The following TMCC1 variants were observed in gnomAD, a reference collection of about 807,000 sequenced individuals.
TMCC1 encodes transmembrane and coiled-coil domain family 1.
Under a neutral mutation model 52.4 loss-of-function variants are expected in TMCC1, and 15 were observed. The observed-to-expected ratio is 0.29, with a 90% CI of 0.19 to 0.44. The LOEUF is 0.44. Ranked by LOEUF, TMCC1 falls within the 20% of genes least tolerant of loss-of-function variation. TMCC1 has a pLI of 1.00. For missense variants in TMCC1, 503 were observed against 806.0 expected (o/e 0.62, Z 4.55); for synonymous variants, 279 against 301.9 (o/e 0.92, Z 0.79).
chr3:129,891,659 C>A (rs1273259031), intron 1 of TMCC1, among the ~76,000 whole-genome samples: 1 of 152,144 alleles, frequency 6.6e-6, no homozygotes. Flanking sequence ...CCCATACATA[C>A]AGAATAAAGC....
chr3:129,852,345 T>A (rs565383099), intron 2 of TMCC1, among the ~76,000 whole-genome samples: 2 of 150,040 alleles, frequency 1.3e-5, no homozygotes, highest in South Asian at 4.2e-4. Context: ...TAATCCCAGC[T>A]ACTCAGGAGT....
chr3:129,787,706 T>C (rs1204965549), intron 4 of TMCC1, among the ~76,000 whole-genome samples: 3 of 152,236 alleles, frequency 2.0e-5, no homozygotes, highest in Non-Finnish European at 4.4e-5. Context: ...GTATGCTTAA[T>C]TTATCCAAAA....
chr3:129,710,754 T>C (rs2048610166), intron 4 of TMCC1, among the ~76,000 whole-genome samples: 2 of 152,172 alleles, frequency 1.3e-5, no homozygotes, highest in Non-Finnish European at 1.5e-5. Context: ...AAAGAAGATA[T>C]TGAATCTAAT....
At chr3:129,763,542 C>CAAAAAAAAAAAAAAAAAAAAAAAAAA in intron 4 of TMCC1, among the ~76,000 whole-genome samples, 1 of 44,664 alleles carries the variant, frequency 2.2e-5, no homozygotes, top group Non-Finnish European at 4.2e-5. Flanking sequence ...GACCCTGTCT[C>CAAAAAAAAAAAAAAAAAAAAAAAAAA]AAAAAAAAAA....
intron 2 of TMCC1, among the ~76,000 whole-genome samples, chr3:129,866,786 T>C (rs2060670966): frequency 6.6e-6 from 1 of 152,206 alleles, no homozygotes; most frequent in Non-Finnish European, 1.5e-5. Context: ...ATACAAAATG[T>C]ATATACTGGT....
At chr3:129,724,472 AG>A (rs1406215897) in intron 4 of TMCC1, among the ~76,000 whole-genome samples, 1 of 152,238 alleles carries the variant, frequency 6.6e-6, no homozygotes, top group African/African-American at 2.4e-5. Flanking sequence ...ACCTAGCTGA[AG>A]AACCCCAAAC....
intron 4 of TMCC1, among the ~76,000 whole-genome samples, chr3:129,691,548 A>G (rs2047028217): frequency 6.6e-6 from 1 of 152,170 alleles, no homozygotes; most frequent in Non-Finnish European, 1.5e-5. Context: ...TGGGAGGCTG[A>G]GGTGGGAGGA....
chr3:129,763,542 C>CAAAAAAAAA (rs11354197), intron 4 of TMCC1, among the ~76,000 whole-genome samples: 3 of 44,662 alleles, frequency 6.7e-5, no homozygotes, highest in Non-Finnish European at 1.3e-4. Flanking sequence ...GACCCTGTCT[C>CAAAAAAAAA]AAAAAAAAAA....
Position 129,649,835 on chromosome 3 carries a change from G to A in TMCC1, c.*1646C>T, listed in dbSNP as rs773207083. The A allele has an allele frequency of 6.6e-6, 1 of 152,442 alleles. No homozygotes were observed. Among genetic ancestry groups the A allele is most frequent in the African/African-American group, 2.4e-5 (1 of 41,448 alleles). 9.4% of individuals were successfully genotyped at this position (152,442 alleles called of 1,614,324 possible). ...ATGGAAAGATTAACCAAGCTCTCTA[G>A]ATAAACTCTAAATGTTCAAGTTCCA... On this transcript the variant is annotated 3_prime_UTR_variant, in exon 7 of 7. Transcript: ENST00000393238.
chr3:129,658,207 C>A (rs1241287123), intron 5 of TMCC1, among the ~76,000 whole-genome samples: 1 of 152,204 alleles, frequency 6.6e-6, no homozygotes, highest in Admixed American at 6.5e-5. Flanking sequence ...CTTTTCACTA[C>A]ATGTATGCAT....
intron 2 of TMCC1, among the ~76,000 whole-genome samples, chr3:129,843,057 C>T (rs2059493811): frequency 6.6e-6 from 1 of 152,106 alleles, no homozygotes; most frequent in Non-Finnish European, 1.5e-5. Context: ...ATAACTAAAA[C>T]AGAAGGAGGC....
At chr3:129,683,708 TTAA>T (rs2089191074) in intron 4 of TMCC1, among the ~76,000 whole-genome samples, 1 of 152,134 alleles carries the variant, frequency 6.6e-6, no homozygotes, top group Non-Finnish European at 1.5e-5. Context: ...TGCCCAATAG[TTAA>T]TTTTTCAACC....
intron 4 of TMCC1, among the ~76,000 whole-genome samples, chr3:129,719,484 ACAGCCAGTTGGT>A (rs1304820631): frequency 6.6e-6 from 1 of 152,212 alleles, no homozygotes; most frequent in Non-Finnish European, 1.5e-5. Flanking sequence ...ACCCCAATTT[ACAGCCAGTTGGT>A]CAGAAGCACA....
intron 4 of TMCC1, among the ~76,000 whole-genome samples, chr3:129,790,629 T>C (rs1003542000): frequency 6.6e-6 from 1 of 152,212 alleles, no homozygotes; most frequent in Non-Finnish European, 1.5e-5. Flanking sequence ...TAGTTTCCTC[T>C]GATCAGAGTG....
chr3:129,746,906 G>GT (rs572833270), intron 4 of TMCC1, among the ~76,000 whole-genome samples: 152 of 152,258 alleles, frequency 1.0e-3, no homozygotes, highest in African/African-American at 3.4e-3. Flanking sequence ...CCTCTTGCTA[G>GT]TTTTTTAACA....
At chr3:129,726,894 A>AAAAAAAAAAAAAAAAAAAAAAAAAC (rs2050145668) in intron 4 of TMCC1, among the ~76,000 whole-genome samples, 3 of 143,670 alleles carry the variant, frequency 2.1e-5, no homozygotes, top group Admixed American at 7.0e-5. Flanking sequence ...AAAAAAAAAA[A>AAAAAAAAAAAAAAAAAAAAAAAAAC]AAAAGAACCA....
chr3:129,671,984 G>A (rs1042104965), intron 4 of TMCC1, among the ~76,000 whole-genome samples: 4 of 152,194 alleles, frequency 2.6e-5, no homozygotes, highest in African/African-American at 9.7e-5. Context: ...TAAGAGCTAA[G>A]TTAACAAGTC....
intron 4 of TMCC1, among the ~76,000 whole-genome samples, chr3:129,811,431 T>C (rs548952168): frequency 4.7e-4 from 71 of 151,546 alleles, no homozygotes; most frequent in African/African-American, 1.7e-3. Flanking sequence ...CACCTGGCTG[T>C]TTTTTTTAAA....
intron 4 of TMCC1, among the ~76,000 whole-genome samples, chr3:129,800,091 T>C (rs1255527333): frequency 2.0e-5 from 3 of 152,244 alleles, no homozygotes; most frequent in Admixed American, 2.0e-4. Flanking sequence ...TTGCTTGTTC[T>C]TGTATTTCAT....
Sources: gnomAD v4.1 joint callset for allele counts (sites outside exome capture counted in the v4.1 genomes callset) on GRCh38, gnomAD v4.1.1 for gene constraint, MANE v1.5 for transcripts, NCBI Gene and HGNC (gene_info 2026-07-23, HGNC 2026-07-21) for gene names.